Variants in GMDS observed in about 807,000 individuals in gnomAD.
The protein encoded by GMDS is GDP-mannose 4,6 dehydratase.
Under a neutral mutation model 49.9 loss-of-function variants are expected in GMDS, and 20 were observed. The ratio of observed to expected loss-of-function variants is 0.40; its 90% CI spans 0.28 to 0.58. The LOEUF (loss-of-function observed/expected upper bound fraction) is 0.58, where lower values mean the gene tolerates loss of function less well. Ranked by LOEUF, GMDS falls within the 20% of genes least tolerant of loss-of-function variation. The pLI is 0.42. For missense variants in GMDS, 362 were observed against 481.4 expected, an observed-to-expected ratio of 0.75 and a Z score of 2.32; for synonymous variants, 177 against 178.6, an observed-to-expected ratio of 0.99 and a Z score of 0.07.
At chr6:1,626,842 C>T (rs1319385818) in intron 9 of GMDS, among the ~76,000 whole-genome samples, 1 of 152,164 alleles carries the variant, frequency 6.6e-6, no homozygotes, top group Non-Finnish European at 1.5e-5. Context: ...CAGGGAACTA[C>T]AATTAAGGAA....
intron 7 of GMDS, among the ~76,000 whole-genome samples, chr6:1,894,209 A>C (rs539523215): frequency 1.3e-5 from 2 of 152,340 alleles, no homozygotes; most frequent in East Asian, 3.9e-4. Context: ...CTAATGCTTT[A>C]ATTGATTGCA....
intron 7 of GMDS, among the ~76,000 whole-genome samples, chr6:1,788,776 T>C (rs1255256884): frequency 6.6e-6 from 1 of 152,240 alleles, no homozygotes; most frequent in Non-Finnish European, 1.5e-5. Context: ...TTTGTTGGAT[T>C]TTAGTTAAAA....
chr6:1,632,000 G>T (rs887897672), intron 9 of GMDS, among the ~76,000 whole-genome samples: 8 of 152,298 alleles, frequency 5.3e-5, no homozygotes, highest in African/African-American at 1.9e-4. Context: ...TCACAGGAAG[G>T]CTCAGAGGGT....
At position 2,046,763 on chromosome 6, in the gene GMDS, C is replaced by T. The variant is rs143580682; in HGVS notation, c.345+69008G>A. ...AGCTACAATGTTTCTTGAATTTGCA[C>T]ATCATCCATGTTCCCTGGCTAAACC... On this transcript the variant is annotated intron_variant, in intron 4 of 10. Coordinates refer to ENST00000380815, the MANE Select transcript of GMDS (RefSeq NM_001500.4). Among the ~76,000 whole-genome samples, 152 of 152,284 alleles carry T rather than the reference C, an allele frequency of 1.0e-3. No individual in the cohort carries two copies. In the Middle Eastern group the frequency reaches 0.01, roughly 10 times the overall value.
At chr6:1,806,439 A>AACACACAC (rs34940754) in intron 7 of GMDS, among the ~76,000 whole-genome samples, 346 of 146,212 alleles carry the variant, frequency 2.4e-3, no homozygotes, top group Middle Eastern at 7.2e-3. Context: ...AGCACATGGG[A>AACACACAC]ACACACACAC....
At chr6:2,004,277 T>A (rs184480586) in intron 4 of GMDS, among the ~76,000 whole-genome samples, 32 of 152,280 alleles carry the variant, frequency 2.1e-4, no homozygotes, top group African/African-American at 7.7e-4. Context: ...AGCATAGTCT[T>A]TAAAGGACTT....
chr6:2,002,804 AGTGTTACACCT>A (rs2127384187), intron 4 of GMDS, among the ~76,000 whole-genome samples: 1 of 152,302 alleles, frequency 6.6e-6, no homozygotes, highest in East Asian at 1.9e-4. Flanking sequence ...GTACCTTCAA[AGTGTTACACCT>A]GTAAAAAATC....
chr6:2,242,312 A>C (rs1257150917), intron 1 of GMDS, among the ~76,000 whole-genome samples: 1 of 152,234 alleles, frequency 6.6e-6, no homozygotes, highest in Non-Finnish European at 1.5e-5. Context: ...TGAGCTTTTA[A>C]GAGTGGCTGG....
At chr6:1,932,420 C>T (rs1350120182) in intron 6 of GMDS, among the ~76,000 whole-genome samples, 3 of 152,090 alleles carry the variant, frequency 2.0e-5, no homozygotes, top group Non-Finnish European at 4.4e-5. Context: ...AGCTATATGA[C>T]TACCAAGTTC....
intron 1 of GMDS, among the ~76,000 whole-genome samples, chr6:2,230,199 T>C (rs901158782): frequency 1.3e-5 from 2 of 152,240 alleles, no homozygotes; most frequent in African/African-American, 4.8e-5. Context: ...TCTACATCAG[T>C]CAATGTCCTA....
chr6:2,133,366 G>T (rs905720099), intron 1 of GMDS, among the ~76,000 whole-genome samples: 1 of 152,142 alleles, frequency 6.6e-6, no homozygotes, highest in Non-Finnish European at 1.5e-5. Flanking sequence ...AAGGTCATAA[G>T]AATAACAAAA....
intron 4 of GMDS, among the ~76,000 whole-genome samples, chr6:2,066,562 G>A (rs1771607509): frequency 6.6e-6 from 1 of 151,946 alleles, no homozygotes. Context: ...AAAATAAAAG[G>A]ATGAAGATCT....
At chr6:2,129,349 C>A (rs1775611295) in intron 1 of GMDS, among the ~76,000 whole-genome samples, 2 of 152,302 alleles carry the variant, frequency 1.3e-5, no homozygotes, top group Admixed American at 1.3e-4. Context: ...TTTCTCCTCT[C>A]TTCCAATACA....
chr6:2,089,445 T>C (rs1773194604), intron 4 of GMDS, among the ~76,000 whole-genome samples: 1 of 151,064 alleles, frequency 6.6e-6, no homozygotes, highest in Admixed American at 6.6e-5. Flanking sequence ...AAGTAGAGGA[T>C]GATTTTCAAT....
intron 7 of GMDS, among the ~76,000 whole-genome samples, chr6:1,882,471 T>G (rs1430856624): frequency 6.6e-6 from 1 of 152,158 alleles, no homozygotes; most frequent in African/African-American, 2.4e-5. Context: ...TGAGAGGTGC[T>G]CTTAGAATAG....
intron 7 of GMDS, among the ~76,000 whole-genome samples, chr6:1,878,126 A>C (rs1289778214): frequency 6.6e-6 from 1 of 152,060 alleles, no homozygotes; most frequent in Admixed American, 6.6e-5. Context: ...ATCCTGGCTA[A>C]CATGGTGAAA....
intron 1 of GMDS, among the ~76,000 whole-genome samples, chr6:2,157,901 T>C (rs542776223): frequency 6.6e-6 from 1 of 152,236 alleles, no homozygotes; most frequent in African/African-American, 2.4e-5. Context: ...CAAATACAGA[T>C]GGTCTATGTG....
intron 1 of GMDS, among the ~76,000 whole-genome samples, chr6:2,226,314 A>G (rs920111419): frequency 1.3e-5 from 2 of 152,198 alleles, no homozygotes; most frequent in Non-Finnish European, 2.9e-5. Flanking sequence ...ACTAATTTTG[A>G]AAGAATTTGT....
intron 4 of GMDS, among the ~76,000 whole-genome samples, chr6:1,990,304 G>A (rs2127361655): frequency 6.6e-6 from 1 of 152,126 alleles, no homozygotes; most frequent in African/African-American, 2.4e-5. Flanking sequence ...AAAAGAAAAA[G>A]AAAGAAAGAA....
Sources: allele counts gnomAD v4.1 joint callset (sites outside exome capture counted in the v4.1 genomes callset), GRCh38; gene constraint gnomAD v4.1.1; transcripts MANE v1.5; gene names NCBI Gene and HGNC (gene_info 2026-07-23, HGNC 2026-07-21).